MFSD12: variants seen among roughly 807,000 people sequenced by gnomAD.
The protein encoded by MFSD12 is major facilitator superfamily domain containing 12, also known as major facilitator superfamily domain-containing protein 12.
MFSD12 carries 67 observed loss-of-function variants against 51.2 expected under a neutral mutation model. That is an observed-to-expected ratio of 1.31 (90% confidence interval 1.08 to 1.60). The LOEUF is 1.60. MFSD12 is among the 40% of genes most tolerant of loss of function. MFSD12 has a pLI of 0.00. For synonymous variants in MFSD12, 441 were observed against 316.7 expected, an observed-to-expected ratio of 1.39 and a Z score of -4.17; for missense variants, 921 against 673.0, an observed-to-expected ratio of 1.37 and a Z score of -4.08.
chr19:3,550,335 G>C (rs2031399877), intron 2 of MFSD12, among the ~76,000 whole-genome samples: 1 of 152,098 alleles, frequency 6.6e-6, no homozygotes. Context: ...GATCGCTTGA[G>C]CCCAAGAGTT....
intron 2 of MFSD12, 62 bp from the exon 3 acceptor site, chr19:3,548,329 C>T (rs549954009): frequency 1.8e-5 from 27 of 1,531,090 alleles, no homozygotes; most frequent in African/African-American, 6.9e-5. Flanking sequence ...TTCCTCCCCA[C>T]GTGGCTACGC....
chr19:3,538,588 A>G (rs755544445), exon 5 of MFSD12: 2 of 424,416 alleles, frequency 4.7e-6, no homozygotes, highest in Admixed American at 2.5e-5. Context: ...CTCAAGGTGC[A>G]TCCGCACTGT....
In MFSD12 at chr19:3,544,807, ACAGCGTCG is replaced by A. The variant is rs1599820029; in HGVS notation, c.1414_1420+1del. ...GGGAGGGAGGGGTGGGCCAGGACTC[ACAGCGTCG>A]CAGGCGGGTCGGCCACAGCAGGAGG... On this transcript the variant is annotated splice_donor_variant and coding_sequence_variant, in exon 9 of 10. Transcript: ENST00000355415. LOFTEE classifies it high-confidence loss of function. The A allele has an allele frequency of 6.2e-7, 1 of 1,612,106 alleles. No homozygotes were observed. Among genetic ancestry groups the A allele is most frequent in the Non-Finnish European group, 8.5e-7 (1 of 1,179,180 alleles).
downstream of MFSD12, among the ~76,000 whole-genome samples, chr19:3,541,168 CAAAA>C (rs1207941689): frequency 6.9e-5 from 6 of 87,180 alleles, no homozygotes; most frequent in Non-Finnish European, 1.1e-4. Flanking sequence ...GACTCTGTCT[CAAAA>C]AAAAAAAAAA....
chr19:3,544,235 C>G lies in MFSD12; in HGVS notation c.*475G>C. 1 of 1,331,912 alleles carries G rather than the reference C, an allele frequency of 7.5e-7. No homozygotes were observed. The highest frequency in any genetic ancestry group is 9.6e-7 in the Non-Finnish European group (1 of 1,043,408). 82.5% of individuals were successfully genotyped at this position (1,331,912 alleles called of 1,614,324 possible). A position where few individuals can be genotyped will look rare whatever the true frequency, so the allele number is the denominator to read the frequency against. On this transcript the variant is annotated 3_prime_UTR_variant, in exon 10 of 10. Transcript: ENST00000355415. ...CTTTATTTGCTGCCAGCAGAGTCCA[C>G]CAAGCCTGCCGGGCAGCCCTGCTGC... is the stretch of plus-strand genomic sequence containing the variant.
At position 3,551,211 on chromosome 19, in the gene MFSD12, G is replaced by A. The variant is rs1280856073; in HGVS notation, c.299-17C>T. ...AGACGGTGCCTGTGGAAGGCAGAGT[G>A]GTCAGTCGCGGGGCTGTCCCGCACC... On this transcript the variant is annotated splice_polypyrimidine_tract_variant and intron_variant, in intron 1 of 9. Transcript: ENST00000355415. The surrounding 1 kb of genome is among the most constrained non-coding windows in gnomAD (Gnocchi z 4.6). The A allele has an allele frequency of 1.4e-5, 22 of 1,571,950 alleles. No individual in the cohort carries two copies. Among genetic ancestry groups the A allele is most frequent in the Non-Finnish European group, 1.9e-5 (22 of 1,158,032 alleles).
At chr19:3,540,265 G>GC (rs2030262549), downstream of MFSD12, among the ~76,000 whole-genome samples, 1 of 141,096 alleles carries the variant, frequency 7.1e-6, no homozygotes, top group Non-Finnish European at 1.6e-5. Flanking sequence ...GCTAATTTTT[G>GC]TTTTTTTTTT....
chr19:3,543,899 A>G, downstream of MFSD12: 1 of 1,550,740 alleles, frequency 6.4e-7, no homozygotes, highest in Non-Finnish European at 8.7e-7. Flanking sequence ...CCCTGTCGGC[A>G]CCCCAGCGCC....
chr19:3,557,144 C>T lies in MFSD12; in HGVS notation c.260G>A (p.Cys87Tyr). The T allele has an allele frequency of 1.3e-6, 2 of 1,512,908 alleles. No homozygotes were observed. Among genetic ancestry groups the T allele is most frequent in the Non-Finnish European group, 1.8e-6 (2 of 1,132,524 alleles). The allele number at this position is 1,512,908 out of a possible 1,614,324, so 93.7% of individuals were successfully genotyped here. A position where few individuals can be genotyped will look rare whatever the true frequency, so the allele number is the denominator to read the frequency against. The change falls in exon 1 of 10, where the codon TGC becomes TAC. Residue 87 changes from cysteine (C) to tyrosine (Y), a missense_variant. By Grantham distance (194) the Cys-to-Tyr change is radical (BLOSUM62 -2). Transcript: ENST00000355415. The stretch of plus-strand genomic sequence containing the variant: ...GGCCTTGCGCGGGCCGTAGCGGGCG[C>T]AGCAGCTGGCGGCGCGGTCGGCCTC... ...GYEADRAASC[C>Y]ARYGPRKAWH...
At position 3,544,465 on chromosome 19, in the gene MFSD12, C is replaced by G; in HGVS notation, c.*245G>C. ...CCTGCCGAGAGGGGCACCCCAAATCCTCCAGAGGGCTGGGATGGATTAGAG... is the reference window on the plus strand; with the variant it reads ...CCTGCCGAGAGGGGCACCCCAAATCGTCCAGAGGGCTGGGATGGATTAGAG... On this transcript the variant is annotated 3_prime_UTR_variant, in exon 10 of 10. Transcript: ENST00000355415. 1 of 1,358,070 alleles carries G rather than the reference C, an allele frequency of 7.4e-7. No individual in the cohort carries two copies. The highest frequency in any genetic ancestry group is 9.5e-7 in the Non-Finnish European group (1 of 1,057,960). The allele number at this position is 1,358,070 out of a possible 1,614,324, so 84.1% of individuals were successfully genotyped here. A position where few individuals can be genotyped will look rare whatever the true frequency, so the allele number is the denominator to read the frequency against.
At chr19:3,550,845 C>A in intron 2 of MFSD12, 139 bp downstream of exon 2, 3 of 703,652 alleles carry the variant, frequency 4.3e-6, no homozygotes, top group East Asian at 2.7e-5. Context: ...AGAGTGAGAC[C>A]CCCTTTCAAA....
At chr19:3,546,903 A>G (rs1808272) in intron 6 of MFSD12, among the ~76,000 whole-genome samples, 151,066 of 151,764 alleles carry the variant, frequency 1, 75,187 homozygotes, top group East Asian at 1. Flanking sequence ...GTGTGATCTC[A>G]TCTCACTGCA....
chr19:3,539,048 C>T (rs1000861814), intron 4 of MFSD12: 11 of 656,762 alleles, frequency 1.7e-5, no homozygotes, highest in Non-Finnish European at 3.0e-5. Context: ...GCCCTTCCCT[C>T]GAGGCCACCT....
In MFSD12 at chr19:3,545,031, G is replaced by A. The variant is rs373486922; in HGVS notation, c.1290-92C>T. ...TGTGCCTCCCCTCACCCCCGACAGC[G>A]GCTCCGTCCTGTCCAATCCAGGAGC... On this transcript the variant is annotated intron_variant, in intron 8 of 9. Transcript: ENST00000355415. 2.4e-4 allele frequency: 348 copies of A among 1,469,830 alleles called. 2 individuals carry two copies. Among genetic ancestry groups the A allele is most frequent in the African/African-American group, 6.3e-4 (45 of 71,572 alleles). The allele number at this position is 1,469,830 out of a possible 1,614,324, so 91.0% of individuals were successfully genotyped here.
rs746431513 is a variant in MFSD12, at chr19:3,547,986, CAGTG to C, written c.695_698del (p.Ser232CysfsTer53). ...TCTCCCGGGTGCCCAGGTGGAATAG[CAGTG>C]AGAACACGGCGCCGACACCCACCAC... On this transcript the variant is annotated frameshift_variant, in exon 4 of 10. Coordinates refer to ENST00000355415, the MANE Select transcript of MFSD12 (RefSeq NM_174983.5). LOFTEE classifies it high-confidence loss of function. 2.5e-6 allele frequency: 4 copies of C among 1,599,042 alleles called. No homozygotes were observed. In the African/African-American group the frequency reaches 5.4e-5, roughly 21 times the overall value.
At chr19:3,540,430 G>C (rs994342221), downstream of MFSD12, among the ~76,000 whole-genome samples, 2 of 151,440 alleles carry the variant, frequency 1.3e-5, no homozygotes, top group Admixed American at 6.6e-5. Context: ...GCTAATTTTT[G>C]TATTTTTAGT....
At position 3,547,258 on chromosome 19, in the gene MFSD12, C is replaced by T. The variant is rs1303318788; in HGVS notation, c.1023+14G>A. 6.2e-7 allele frequency: 1 copy of T among 1,609,998 alleles called. No homozygotes were observed. The highest frequency in any genetic ancestry group is 1.7e-5 in the Admixed American group (1 of 60,010). On this transcript the variant is annotated intron_variant, in intron 6 of 9. Transcript: ENST00000355415. ...ATCCTCCGCCCCAGCTGTCCCCGGT[C>T]CCCGCCCACTCACGTTCCTCCCAAT...
intron 2 of MFSD12, among the ~76,000 whole-genome samples, chr19:3,549,931 G>A (rs371244687): frequency 9.3e-4 from 141 of 152,212 alleles, no homozygotes; most frequent in Middle Eastern, 3.4e-3. Flanking sequence ...CTGACAGAGC[G>A]AGATCCTGTC....
At position 3,544,449 on chromosome 19, in the gene MFSD12, A is replaced by G. The variant is rs1330466260; in HGVS notation, c.*261T>C. ...TTCCTACTTCCTGTTCCCTGCCGAG[A>G]GGGGCACCCCAAATCCTCCAGAGGG... is the stretch of plus-strand genomic sequence containing the variant. On this transcript the variant is annotated 3_prime_UTR_variant, in exon 10 of 10. Coordinates refer to ENST00000355415, the MANE Select transcript of MFSD12 (RefSeq NM_174983.5). The G allele has an allele frequency of 2.2e-6, 3 of 1,336,926 alleles. No homozygotes were observed. Among genetic ancestry groups the G allele is most frequent in the Non-Finnish European group, 2.9e-6 (3 of 1,046,216 alleles). The allele number at this position is 1,336,926 out of a possible 1,614,324, so 82.8% of individuals were successfully genotyped here.
Sources: gnomAD v4.1 joint callset for allele counts (sites outside exome capture counted in the v4.1 genomes callset) on GRCh38, gnomAD v4.1.1 for gene constraint, Gnocchi (gnomAD v3.1) non-coding constraint, MANE v1.5 for transcripts, NCBI Gene and HGNC (gene_info 2026-07-23, HGNC 2026-07-21) for gene names.